DGKB: variants seen among roughly 807,000 people sequenced by gnomAD.
DGKB encodes diacylglycerol kinase beta.
A neutral mutation model predicts 114.3 loss-of-function variants in DGKB; 67 were observed. The observed-to-expected ratio is 0.59, with a 90% CI of 0.48 to 0.72. The LOEUF (loss-of-function observed/expected upper bound fraction) is 0.72. DGKB is among the 30% of genes least tolerant of loss of function. The pLI is 0.00. For missense variants in DGKB, 907 were observed against 975.2 expected (o/e 0.93, Z 0.93); for synonymous variants, 398 against 323.1 (o/e 1.23, Z -2.49).
intron 2 of DGKB, among the ~76,000 whole-genome samples, chr7:14,837,500 T>C (rs1266672514): frequency 6.6e-6 from 1 of 152,228 alleles, no homozygotes. Context: ...TTATTTGATA[T>C]ATACCAAATA....
chr7:14,387,381 C>G (rs1188843836), intron 21 of DGKB, among the ~76,000 whole-genome samples: 4 of 144,528 alleles, frequency 2.8e-5, no homozygotes, highest in African/African-American at 1.0e-4. Flanking sequence ...CCATTGCACT[C>G]CAGCCTTGTG....
At chr7:14,546,016 C>A (rs1477847668) in intron 20 of DGKB, among the ~76,000 whole-genome samples, 1 of 152,104 alleles carries the variant, frequency 6.6e-6, no homozygotes, top group African/African-American at 2.4e-5. Context: ...GTTTTCTAAG[C>A]AAAGGAGCTG....
chr7:14,697,929 AAG>A (rs1207858236), intron 8 of DGKB, among the ~76,000 whole-genome samples, 164 bp downstream of exon 8: 5 of 150,604 alleles, frequency 3.3e-5, no homozygotes, highest in Non-Finnish European at 7.4e-5. Context: ...GAGAGAAAGA[AAG>A]AGGGAGAGAA....
intron 23 of DGKB, among the ~76,000 whole-genome samples, chr7:14,234,232 A>C (rs1792395352): frequency 6.6e-6 from 1 of 152,112 alleles, no homozygotes; most frequent in South Asian, 2.1e-4. Context: ...ACACAGTTGC[A>C]TGAACCCTTG....
At chr7:14,396,076 C>A (rs1239896831) in intron 21 of DGKB, among the ~76,000 whole-genome samples, 1 of 151,892 alleles carries the variant, frequency 6.6e-6, no homozygotes, top group African/African-American at 2.4e-5. Context: ...AATGGTAGGG[C>A]AGGTTAACCT....
At chr7:14,564,764 C>G (rs534829006) in intron 20 of DGKB, among the ~76,000 whole-genome samples, 1 of 150,346 alleles carries the variant, frequency 6.7e-6, no homozygotes, top group South Asian at 2.1e-4. Context: ...CTTTTTTTTT[C>G]TTTTTTGCTT....
intron 20 of DGKB, among the ~76,000 whole-genome samples, chr7:14,548,768 T>C (rs768810714): frequency 1.5e-4 from 23 of 151,922 alleles, no homozygotes; most frequent in Admixed American, 9.8e-4. Context: ...GAGAGAGCAA[T>C]TAGGAGGCAC....
At chr7:14,968,434 T>C (rs1399523533) in intron 1 of DGKB, among the ~76,000 whole-genome samples, 2 of 152,170 alleles carry the variant, frequency 1.3e-5, no homozygotes. Context: ...GAATCAAAAT[T>C]GTAAGATTTC....
At chr7:14,898,854 G>C (rs1366487563) in intron 1 of DGKB, among the ~76,000 whole-genome samples, 1 of 152,118 alleles carries the variant, frequency 6.6e-6, no homozygotes, top group African/African-American at 2.4e-5. Flanking sequence ...TGAATCTATA[G>C]TGATCGGCAT....
intron 21 of DGKB, among the ~76,000 whole-genome samples, chr7:14,372,409 T>G (rs1343661689): frequency 1.3e-5 from 2 of 152,082 alleles, no homozygotes. Context: ...GAGTGCGTAG[T>G]GGGGGGAACT....
At chr7:14,339,363 AGATT>A (rs1811230491) in intron 22 of DGKB, among the ~76,000 whole-genome samples, 1 of 106,098 alleles carries the variant, frequency 9.4e-6, no homozygotes. Flanking sequence ...AGGGCCGGGT[AGATT>A]GATTGAGGGA....
intron 20 of DGKB, among the ~76,000 whole-genome samples, chr7:14,502,469 T>G (rs1342444579): frequency 6.6e-6 from 1 of 152,046 alleles, no homozygotes; most frequent in African/African-American, 2.4e-5. Context: ...TTTAAAGCCA[T>G]TACACTTTGA....
intron 17 of DGKB, 22 bp from the exon 18 acceptor site, chr7:14,583,159 G>C (rs766784070): frequency 1.4e-6 from 2 of 1,443,090 alleles, no homozygotes; most frequent in South Asian, 2.3e-5. Flanking sequence ...GCATGTTATG[G>C]CACATGATTA....
At chr7:14,154,666 T>C (rs1384782729) in intron 25 of DGKB, among the ~76,000 whole-genome samples, 1 of 150,816 alleles carries the variant, frequency 6.6e-6, no homozygotes, top group Non-Finnish European at 1.5e-5. Context: ...GTAAGTAGAG[T>C]ATACCTAAAA....
chr7:14,155,922 A>T (rs1782950017), intron 25 of DGKB, among the ~76,000 whole-genome samples: 1 of 152,064 alleles, frequency 6.6e-6, no homozygotes, highest in Non-Finnish European at 1.5e-5. Flanking sequence ...AGGTCTTGAG[A>T]TAGATTTGGG....
chr7:14,307,486 A>G (rs1470570389), intron 23 of DGKB, among the ~76,000 whole-genome samples: 1 of 152,170 alleles, frequency 6.6e-6, no homozygotes, highest in East Asian at 1.9e-4. Flanking sequence ...TTCTAAATGA[A>G]AGATGAGCAG....
At chr7:14,919,850 C>G (rs1285899524) in intron 1 of DGKB, among the ~76,000 whole-genome samples, 1 of 152,130 alleles carries the variant, frequency 6.6e-6, no homozygotes, top group Non-Finnish European at 1.5e-5. Flanking sequence ...TCCCCTCTCT[C>G]TTGCTCCTTT....
intron 23 of DGKB, among the ~76,000 whole-genome samples, chr7:14,241,821 G>T (rs2128366513): frequency 6.6e-6 from 1 of 151,978 alleles, no homozygotes; most frequent in Non-Finnish European, 1.5e-5. Context: ...TAACATGACT[G>T]AAAATTAATG....
intron 5 of DGKB, among the ~76,000 whole-genome samples, chr7:14,729,312 CCA>C (rs1830554543): frequency 1.3e-5 from 2 of 150,870 alleles, no homozygotes; most frequent in African/African-American, 2.4e-5. Flanking sequence ...TTAGTAGAGA[CCA>C]GGTTTCACCG....
Sources: gnomAD v4.1 joint callset for allele counts (sites outside exome capture counted in the v4.1 genomes callset) on GRCh38, gnomAD v4.1.1 for gene constraint, MANE v1.5 for transcripts, NCBI Gene and HGNC (gene_info 2026-07-23, HGNC 2026-07-21) for gene names.